DGKI: variants seen among roughly 807,000 people sequenced by gnomAD.
DGKI encodes the protein diacylglycerol kinase iota.
DGKI carries 55 observed loss-of-function variants against 147.5 expected under a neutral mutation model. That is an observed-to-expected ratio of 0.37 (90% CI 0.30 to 0.47). DGKI has a LOEUF of 0.47. Among genes scored for constraint, DGKI ranks in the 20% least tolerant of loss-of-function variants. The pLI is 1.00. For synonymous variants in DGKI, 469 were observed against 477.1 expected (o/e 0.98, Z 0.22); for missense variants, 1,007 against 1,323.8 (o/e 0.76, Z 3.71).
chr7:137,643,057 C>T (rs1385970757), intron 6 of DGKI, among the ~76,000 whole-genome samples: 3 of 150,402 alleles, frequency 2.0e-5, no homozygotes, highest in Middle Eastern at 3.4e-3. Flanking sequence ...TTTGGGAGGC[C>T]GAGACGGGCG....
chr7:137,809,692 A>C (rs945540049), intron 1 of DGKI, among the ~76,000 whole-genome samples: 1 of 152,162 alleles, frequency 6.6e-6, no homozygotes, highest in Non-Finnish European at 1.5e-5. Flanking sequence ...AGATTGCTTA[A>C]GCTCAGTTCA....
At chr7:137,834,364 T>G (rs1267794876) in intron 1 of DGKI, among the ~76,000 whole-genome samples, 6 of 152,208 alleles carry the variant, frequency 3.9e-5, no homozygotes, top group Non-Finnish European at 7.4e-5. Context: ...ATTGTAAAAG[T>G]GCATGATGAA....
chr7:137,743,574 A>C (rs1467945199), intron 1 of DGKI, among the ~76,000 whole-genome samples: 1 of 152,226 alleles, frequency 6.6e-6, no homozygotes, highest in Non-Finnish European at 1.5e-5. Flanking sequence ...TCAAAAAATT[A>C]TTTGAAACAA....
At chr7:137,592,028 G>A (rs892913403) in intron 12 of DGKI, among the ~76,000 whole-genome samples, 4 of 152,192 alleles carry the variant, frequency 2.6e-5, no homozygotes, top group African/African-American at 7.2e-5. Context: ...ACAATAGCAG[G>A]AGACATTAAA....
intron 1 of DGKI, among the ~76,000 whole-genome samples, chr7:137,761,677 G>A (rs970169746): frequency 1.3e-5 from 2 of 152,064 alleles, no homozygotes; most frequent in East Asian, 1.9e-4. Context: ...ACAGATTCCT[G>A]TTCTGGACCA....
At chr7:137,819,995 C>T (rs896989318) in intron 1 of DGKI, among the ~76,000 whole-genome samples, 1 of 152,224 alleles carries the variant, frequency 6.6e-6, no homozygotes, top group African/African-American at 2.4e-5. Context: ...TCCCATGACA[C>T]TTCTTGCATG....
intron 27 of DGKI, among the ~76,000 whole-genome samples, chr7:137,461,141 T>C (rs1814427543): frequency 6.6e-6 from 1 of 152,230 alleles, no homozygotes; most frequent in Non-Finnish European, 1.5e-5. Flanking sequence ...TAAACTTCTG[T>C]GGCTCTGGTA....
chr7:137,537,201 A>C (rs577772426), intron 20 of DGKI, among the ~76,000 whole-genome samples: 1 of 152,254 alleles, frequency 6.6e-6, no homozygotes, highest in African/African-American at 2.4e-5. Context: ...GAGAGAGAGG[A>C]AGGAAGAAGA....
At chr7:137,812,294 T>C (rs529223298) in intron 1 of DGKI, among the ~76,000 whole-genome samples, 1 of 152,360 alleles carries the variant, frequency 6.6e-6, no homozygotes, top group Admixed American at 6.5e-5. Flanking sequence ...GGAATAAATA[T>C]GATTACATAT....
chr7:137,479,793 T>C (rs985210477), intron 23 of DGKI, among the ~76,000 whole-genome samples: 2 of 152,140 alleles, frequency 1.3e-5, no homozygotes, highest in African/African-American at 4.8e-5. Flanking sequence ...CATTACCCAT[T>C]CAAAATTCTC....
intron 32 of DGKI, among the ~76,000 whole-genome samples, chr7:137,392,581 A>C (rs1811404596): frequency 6.6e-6 from 1 of 152,192 alleles, no homozygotes; most frequent in Admixed American, 6.5e-5. Flanking sequence ...GAGAGGACAA[A>C]AGGGAAGTAA....
At chr7:137,668,988 CT>C (rs1822745495) in intron 3 of DGKI, among the ~76,000 whole-genome samples, 1 of 152,152 alleles carries the variant, frequency 6.6e-6, no homozygotes, top group Non-Finnish European at 1.5e-5. Flanking sequence ...TGCATTAACT[CT>C]TTTAATTTTC....
At chr7:137,421,661 CTGT>C (rs1339855259) in intron 28 of DGKI, among the ~76,000 whole-genome samples, 1 of 152,214 alleles carries the variant, frequency 6.6e-6, no homozygotes, top group Non-Finnish European at 1.5e-5. Context: ...ATTTGCTTAT[CTGT>C]TGTTGTGAAA....
chr7:137,699,839 C>T (rs1038638026), intron 1 of DGKI, among the ~76,000 whole-genome samples: 2 of 152,196 alleles, frequency 1.3e-5, no homozygotes, highest in Admixed American at 1.3e-4. Flanking sequence ...TCTTGCAAAA[C>T]TGATGGTATC....
chr7:137,411,079 G>A (rs1812144671), intron 29 of DGKI, among the ~76,000 whole-genome samples: 3 of 152,252 alleles, frequency 2.0e-5, no homozygotes, highest in African/African-American at 4.8e-5. Flanking sequence ...CAACAGATGC[G>A]CCTAAAAAAA....
chr7:137,756,680 G>A (rs930282456), intron 1 of DGKI, among the ~76,000 whole-genome samples: 12 of 152,152 alleles, frequency 7.9e-5, no homozygotes, highest in African/African-American at 2.4e-4. Context: ...CCATATCTAC[G>A]ATCTAAAAGA....
intron 12 of DGKI, 109 bp downstream of exon 12, chr7:137,597,738 A>C (rs1195364363): frequency 1.0e-6 from 1 of 968,414 alleles, no homozygotes; most frequent in Non-Finnish European, 1.6e-6. Context: ...AGAGATATAC[A>C]TGTGTTAGGG....
At chr7:137,635,341 G>A (rs1821272634) in intron 6 of DGKI, among the ~76,000 whole-genome samples, 1 of 152,168 alleles carries the variant, frequency 6.6e-6, no homozygotes, top group Non-Finnish European at 1.5e-5. Context: ...TCATCCCTCA[G>A]AGAGAACAAC....
chr7:137,483,403 A>G (rs79598627), intron 23 of DGKI, among the ~76,000 whole-genome samples: 1,873 of 152,228 alleles, frequency 0.012, 38 homozygotes, highest in African/African-American at 0.043. Flanking sequence ...CAATTGTTAG[A>G]GATCAGCTCT....
Sources: gnomAD v4.1 joint callset for allele counts (sites outside exome capture counted in the v4.1 genomes callset) on GRCh38, gnomAD v4.1.1 for gene constraint, MANE v1.5 for transcripts, NCBI Gene and HGNC (gene_info 2026-07-23, HGNC 2026-07-21) for gene names.